TMEM151B: variants seen among roughly 807,000 people sequenced by gnomAD.
TMEM151B encodes transmembrane protein 151B, also known as transmembrane protein 193.
Under a neutral mutation model 33.0 loss-of-function variants are expected in TMEM151B, and 18 were observed. The observed-to-expected ratio is 0.55, with a 90% CI of 0.38 to 0.81. The LOEUF (loss-of-function observed/expected upper bound fraction) is 0.81. TMEM151B is among the 30% of genes least tolerant of loss of function. TMEM151B has a pLI of 0.00. For synonymous variants in TMEM151B, 354 were observed against 373.6 expected (o/e 0.95, Z 0.61); for missense variants, 672 against 843.4 (o/e 0.80, Z 2.52).
In TMEM151B at chr6:44,275,893, C is replaced by A. The variant is rs1175301256; in HGVS notation, c.1067C>A (p.Pro356His). The change falls in exon 3 of 3, where the codon CCC becomes CAC. Residue 356 changes from proline to histidine, a missense_variant. This residue lies in a region of TMEM151B where 324 missense variants were observed against 363.1 expected (regional missense o/e 0.89). Transcript: ENST00000451188. ...CTCAGCCCCAGCGATGAGCTGCTGCCCCCGCTCACCCACCGCCTGCCGCGG... is the reference window on the plus strand; with the variant it reads ...CTCAGCCCCAGCGATGAGCTGCTGCACCCGCTCACCCACCGCCTGCCGCGG... ...GGLSPSDELL[P>H]PLTHRLPRVN... 6.5e-7 allele frequency: 1 copy of A among 1,533,664 alleles called. No individual in the cohort carries two copies. The highest frequency in any genetic ancestry group is 8.8e-7 in the Non-Finnish European group (1 of 1,140,432).
At chr6:44,270,991 A>G in intron 1 of TMEM151B, 114 bp downstream of exon 1, 1 of 749,376 alleles carries the variant, frequency 1.3e-6, no homozygotes, top group Non-Finnish European at 1.6e-6. Flanking sequence ...CCGCACCCCG[A>G]GCCGGCCGCT....
chr6:44,273,999 A>G (rs542121764), intron 2 of TMEM151B, among the ~76,000 whole-genome samples: 2 of 152,300 alleles, frequency 1.3e-5, no homozygotes, highest in Non-Finnish European at 2.9e-5. Flanking sequence ...CTCTTGAGCC[A>G]GGAGTTTGAG....
Position 44,276,462 on chromosome 6 carries a change from G to C in TMEM151B, c.1636G>C (p.Gly546Arg), listed in dbSNP as rs1381979545. The C allele has an allele frequency of 6.7e-7, 1 of 1,482,404 alleles. No individual in the cohort carries two copies. Among genetic ancestry groups the C allele is most frequent in the African/African-American group, 1.4e-5 (1 of 69,644 alleles). 91.8% of individuals were successfully genotyped at this position (1,482,404 alleles called of 1,614,324 possible). ...FPVLIVHRQE[G>R]CLGHSHRPLH... ...GGTCCTCATCGTCCACCGGCAGGAG[G>C]GGTGTCTGGGCCACAGCCACCGGCC... The change falls in exon 3 of 3, where the codon GGG (glycine) becomes CGG (arginine). Residue 546 changes from glycine (G) to arginine (R), a missense_variant. Physicochemically the swap from Gly to Arg is moderately radical, Grantham distance 125. Transcript: ENST00000451188.
Position 44,276,715 on chromosome 6 carries a change from G to C in TMEM151B, c.*188G>C. 1 of 1,189,748 alleles carries C rather than the reference G, an allele frequency of 8.4e-7. No individual in the cohort carries two copies. Among genetic ancestry groups the C allele is most frequent in the South Asian group, 4.1e-5 (1 of 24,466 alleles). The allele number at this position is 1,189,748 out of a possible 1,614,324, so 73.7% of individuals were successfully genotyped here. Reference sequence around the variant, plus strand: ...CGCTGTCCCTGTACATAAAGAGACCGATGGGTGGGAGGGGGTCGGCTGCTC... The same window carrying C: ...CGCTGTCCCTGTACATAAAGAGACCCATGGGTGGGAGGGGGTCGGCTGCTC... On this transcript the variant is annotated 3_prime_UTR_variant, in exon 3 of 3. Transcript: ENST00000451188.
At chr6:44,271,369 G>GTGT (rs35554649) in intron 1 of TMEM151B, among the ~76,000 whole-genome samples, 2,542 of 27,976 alleles carry the variant, frequency 0.091, 251 homozygotes, top group African/African-American at 0.2. Context: ...GTGTGTGTGT[G>GTGT]GGGGGGGGTG....
intron 1 of TMEM151B, among the ~76,000 whole-genome samples, chr6:44,271,418 AT>A (rs1782351435): frequency 6.9e-6 from 1 of 145,060 alleles, no homozygotes; most frequent in Non-Finnish European, 1.5e-5. Context: ...GCTTCCTCAT[AT>A]CCCTAGTTGG....
Position 44,273,391 on chromosome 6 carries a change from G to A in TMEM151B, c.461G>A (p.Gly154Asp), listed in dbSNP as rs1241160287. 1 of 1,551,154 alleles carries A rather than the reference G, an allele frequency of 6.4e-7. No homozygotes were observed. The highest frequency in any genetic ancestry group is 1.2e-5 in the South Asian group (1 of 84,070). The change falls in exon 2 of 3, where the codon GGC becomes GAC. Residue 154 changes from glycine to aspartate, a missense_variant. Gly to Asp is a moderately conservative substitution (Grantham distance 94). Transcript: ENST00000451188. ...VDVSSVRERV[G>D]RMQQATPCIW... is the part of the protein sequence containing the mutation. ...GTGAGCAGTGTGCGGGAACGTGTGG[G>A]CCGCATGCAGCAAGCCACGCCCTGC...
rs1782291774 is a variant in TMEM151B at position 44,270,748 on chromosome 6, C to T, written c.6C>T (p.Ser2=). 9.1e-7 allele frequency: 1 copy of T among 1,099,200 alleles called. No individual in the cohort carries two copies. Among genetic ancestry groups the T allele is most frequent in the Non-Finnish European group, 1.1e-6 (1 of 896,212 alleles). 68.1% of individuals were successfully genotyped at this position (1,099,200 alleles called of 1,614,324 possible). M[S]PPGSAAGESA... is the part of the protein sequence containing the mutation. ...CGACGCGCCCCCTCTACGCCATGTC[C>T]CCCCCTGGCTCGGCCGCGGGAGAGA... Residue 2 remains serine (S), a synonymous_variant, in exon 1 of 3, where the codon TCC becomes TCT. Coordinates refer to ENST00000451188, the MANE Select transcript of TMEM151B (RefSeq NM_001137560.2).
chr6:44,276,400 GGCC>G lies in TMEM151B; in HGVS notation c.1584_1586del (p.Pro529del), dbSNP rs758467547. On this transcript the variant is annotated inframe_deletion, in exon 3 of 3. Coordinates refer to ENST00000451188, the MANE Select transcript of TMEM151B (RefSeq NM_001137560.2). Reference sequence around the variant, plus strand: ...GAGGACGACGACGAGGAGGAGGCCGGGCCGCCGCCGCCCTACCACGACGCCCTC... The same window carrying G: ...GAGGACGACGACGAGGAGGAGGCCGGGCCGCCGCCCTACCACGACGCCCTC... 8 of 1,514,350 alleles carry G rather than the reference GGCC, an allele frequency of 5.3e-6. 1 individual carries two copies. Among genetic ancestry groups the G allele is most frequent in the South Asian group, 4.9e-5 (4 of 81,590 alleles). The allele number at this position is 1,514,350 out of a possible 1,614,324, so 93.8% of individuals were successfully genotyped here.
chr6:44,274,190 C>T (rs1157533009), intron 2 of TMEM151B, among the ~76,000 whole-genome samples: 26 of 151,088 alleles, frequency 1.7e-4, no homozygotes, highest in Admixed American at 1.7e-3. Flanking sequence ...AAGACCCCAT[C>T]TCAAAAAAAA....
At position 44,275,731 on chromosome 6, in the gene TMEM151B, T is replaced by A; in HGVS notation, c.905T>A (p.Phe302Tyr). 6.5e-7 allele frequency: 1 copy of A among 1,548,254 alleles called. No individual in the cohort carries two copies. ...CCCTGGTACGCCTGCTCGTCGGCCT[T>A]CTGGGCCGCGGCGCTGCTCACGCTG... ...RPPWYACSSAFWAAALLTLSW... is the reference protein window; with the variant it reads ...RPPWYACSSAYWAAALLTLSW... The change falls in exon 3 of 3, where the codon TTC becomes TAC. Residue 302 changes from phenylalanine to tyrosine, a missense_variant. Physicochemically the swap from Phe to Tyr is conservative, Grantham distance 22. Around this residue, in one of 3 missense-constraint regions of TMEM151B, gnomAD observed 285 missense variants for 423.1 expected, o/e 0.67. Transcript: ENST00000451188.
At chr6:44,275,270 C>G in intron 2 of TMEM151B, 133 bp from the exon 3 acceptor site, 5 of 1,415,778 alleles carry the variant, frequency 3.5e-6, no homozygotes, top group Non-Finnish European at 4.6e-6. Context: ...CTCCAGCCGG[C>G]ACCTAAACCA....
chr6:44,271,412 C>T lies in TMEM151B; in HGVS notation c.135+535C>T, dbSNP rs13207236. Among the ~76,000 whole-genome samples the T allele has an allele frequency of 5.4e-3, 798 of 148,052 alleles. 4 individuals are homozygous for T. The highest frequency in any genetic ancestry group is 0.032 in the Middle Eastern group (9 of 280). On this transcript the variant is annotated intron_variant, in intron 1 of 2. Coordinates refer to ENST00000451188, the MANE Select transcript of TMEM151B (RefSeq NM_001137560.2). ...CTCTCTCACGAGGCTCCTGCTGCTT[C>T]CTCATATCCCTAGTTGGGGTCCCTA...
In TMEM151B at chr6:44,276,725, AG is replaced by A; in HGVS notation, c.*203del. The A allele has an allele frequency of 8.6e-7, 1 of 1,159,224 alleles. No individual in the cohort carries two copies. The highest frequency in any genetic ancestry group is 1.1e-6 in the Non-Finnish European group (1 of 922,346). The allele number at this position is 1,159,224 out of a possible 1,614,324, so 71.8% of individuals were successfully genotyped here. ...GTACATAAAGAGACCGATGGGTGGG[AG>A]GGGGTCGGCTGCTCCCCGAGATCCC... On this transcript the variant is annotated 3_prime_UTR_variant, in exon 3 of 3. Transcript: ENST00000451188.
chr6:44,276,025 C>T lies in TMEM151B; in HGVS notation c.1199C>T (p.Thr400Met). ...AVLMDLAGLG[T>M]RCGGAGGGYA... ...CTCATGGACCTGGCGGGGCTCGGGA[C>T]GCGCTGCGGCGGGGCAGGCGGCGGC... Residue 400 changes from threonine (T) to methionine (M), a missense_variant, in exon 3 of 3, where the codon ACG becomes ATG. Physicochemically the swap from Thr to Met is moderately conservative, Grantham distance 81. Coordinates refer to ENST00000451188, the MANE Select transcript of TMEM151B (RefSeq NM_001137560.2). 1 of 1,351,298 alleles carries T rather than the reference C, an allele frequency of 7.4e-7. No homozygotes were observed. Among genetic ancestry groups the T allele is most frequent in the Non-Finnish European group, 9.5e-7 (1 of 1,054,200 alleles). 83.7% of individuals were successfully genotyped at this position (1,351,298 alleles called of 1,614,324 possible). A position where few individuals can be genotyped will look rare whatever the true frequency, so the allele number is the denominator to read the frequency against.
chr6:44,270,942 C>A (rs1003277518), intron 1 of TMEM151B, 65 bp downstream of exon 1: 6 of 997,454 alleles, frequency 6.0e-6, no homozygotes, highest in Non-Finnish European at 3.6e-6. Context: ...CCCCATCGCA[C>A]GCGTCCCCCG....
rs114583986 is a variant in TMEM151B, at chr6:44,275,267, C to T, written c.577-136C>T. On this transcript the variant is annotated intron_variant, in intron 2 of 2. Transcript: ENST00000451188. ...CGGAAAGATCCTAACCAGCTCCAGC[C>T]GGCACCTAAACCAAGACAGACTTAG... 1.7e-5 allele frequency: 24 copies of T among 1,416,026 alleles called. No homozygotes were observed. In the South Asian group the frequency reaches 3.5e-4, roughly 20 times the overall value. The allele number at this position is 1,416,026 out of a possible 1,614,324, so 87.7% of individuals were successfully genotyped here. A position where few individuals can be genotyped will look rare whatever the true frequency, so the allele number is the denominator to read the frequency against.
At position 44,276,645 on chromosome 6, in the gene TMEM151B, G is replaced by A; in HGVS notation, c.*118G>A. On this transcript the variant is annotated 3_prime_UTR_variant, in exon 3 of 3. Transcript: ENST00000451188. ...TGAGGCCGCGCGGGGGGCAGGGAAAGGGAGGTGAGGGCCGCAAGACAGGCC... is the reference window on the plus strand; with the variant it reads ...TGAGGCCGCGCGGGGGGCAGGGAAAAGGAGGTGAGGGCCGCAAGACAGGCC... The A allele has an allele frequency of 1.6e-6, 2 of 1,283,948 alleles. No individual in the cohort carries two copies. Among genetic ancestry groups the A allele is most frequent in the Non-Finnish European group, 2.0e-6 (2 of 1,016,200 alleles). 79.5% of individuals were successfully genotyped at this position (1,283,948 alleles called of 1,614,324 possible).
At chr6:44,275,216 G>A (rs1024592863) in intron 2 of TMEM151B, among the ~76,000 whole-genome samples, 187 bp from the exon 3 acceptor site, 10 of 152,280 alleles carry the variant, frequency 6.6e-5, no homozygotes, top group African/African-American at 2.4e-4. Flanking sequence ...ATTACACAGA[G>A]GGCGTCAGTT....
Sources: allele counts gnomAD v4.1 joint callset (sites outside exome capture counted in the v4.1 genomes callset), GRCh38; gene constraint gnomAD v4.1.1; regional missense constraint gnomAD v4.1.1; transcripts MANE v1.5; gene names NCBI Gene and HGNC (gene_info 2026-07-23, HGNC 2026-07-21).